The following ABL2 variants were observed in gnomAD, a reference collection of about 807,000 sequenced individuals.
ABL2 encodes tyrosine-protein kinase ABL2.
Under a neutral mutation model 107.7 loss-of-function variants are expected in ABL2, and 49 were observed. That is an observed-to-expected ratio of 0.45 (90% CI 0.36 to 0.58). The LOEUF (loss-of-function observed/expected upper bound fraction) is 0.58. ABL2 is among the 20% of genes least tolerant of loss of function. The pLI is 0.00. For synonymous variants in ABL2, 549 were observed against 548.6 expected (o/e 1.00, Z -0.01); for missense variants, 1,245 against 1,457.0 (o/e 0.85, Z 2.37).
chr1:179,174,920 A>AAAAAAAAAAAAT (rs1659958398), intron 1 of ABL2, among the ~76,000 whole-genome samples: 4 of 122,872 alleles, frequency 3.3e-5, no homozygotes, highest in East Asian at 2.4e-4. Context: ...AAAATAAAAA[A>AAAAAAAAAAAAT]AATAATAATA....
At chr1:179,150,155 G>C (rs1261466752) in intron 1 of ABL2, among the ~76,000 whole-genome samples, 1 of 152,048 alleles carries the variant, frequency 6.6e-6, no homozygotes, top group Non-Finnish European at 1.5e-5. Context: ...TGGATCACTT[G>C]AGCCCAGGAG....
chr1:179,201,620 C>T, intron 1 of ABL2: 1 of 438,726 alleles, frequency 2.3e-6, no homozygotes, highest in Non-Finnish European at 4.2e-6. Context: ...CCTTGGCTGC[C>T]TACATGGATA....
At position 179,108,439 on chromosome 1, in the gene ABL2, G is replaced by C; in HGVS notation, c.2828C>G (p.Pro943Arg). ...TGTGCCAATGAGCTGCACGTCAGCTGGAGTGTGTTTCAGAGTGGGTGAGAT... is the reference window on the plus strand; with the variant it reads ...TGTGCCAATGAGCTGCACGTCAGCTCGAGTGTGTTTCAGAGTGGGTGAGAT... ...VLISPTLKHTPADVQLIGTDS... is the reference protein window; with the variant it reads ...VLISPTLKHTRADVQLIGTDS... The change falls in exon 12 of 12, where the codon CCA (proline) becomes CGA (arginine). Residue 943 changes from proline (P) to arginine (R), a missense_variant. Physicochemically the swap from Pro to Arg is moderately radical, Grantham distance 103. Around this residue, in one of 3 missense-constraint regions of ABL2, gnomAD observed 761 missense variants for 766.4 expected, o/e 0.99. Coordinates refer to ENST00000502732, the MANE Select transcript of ABL2 (RefSeq NM_007314.4). 1 of 1,614,226 alleles carries C rather than the reference G, an allele frequency of 6.2e-7. No homozygotes were observed. Among genetic ancestry groups the C allele is most frequent in the Non-Finnish European group, 8.5e-7 (1 of 1,180,048 alleles).
rs2102576403 is a variant in ABL2, at chr1:179,108,613, G to A, written c.2654C>T (p.Ala885Val). The A allele has an allele frequency of 6.2e-7, 1 of 1,614,112 alleles. No individual in the cohort carries two copies. The highest frequency in any genetic ancestry group is 2.2e-5 in the East Asian group (1 of 44,866). The change falls in exon 12 of 12, where the codon GCA (alanine) becomes GTA (valine). Residue 885 changes from alanine (A) to valine (V), a missense_variant. Transcript: ENST00000502732. ...CTTCTCTTTACCCTTGGGGGCAGCTGCCACTCCAGCCACTCCCACCCCTGG... is the reference window on the plus strand; with the variant it reads ...CTTCTCTTTACCCTTGGGGGCAGCTACCACTCCAGCCACTCCCACCCCTGG... Reference protein sequence around the residue: ...DPPGVGVAGVAAAPKGKEKNG... With the variant: ...DPPGVGVAGVVAAPKGKEKNG...
intron 1 of ABL2, among the ~76,000 whole-genome samples, chr1:179,211,114 G>C (rs1388690854): frequency 6.6e-6 from 1 of 152,006 alleles, no homozygotes; most frequent in African/African-American, 2.4e-5. Context: ...ACTTATAAAA[G>C]CATTAGAATT....
chr1:179,121,978 T>C lies in ABL2; in HGVS notation c.688-111A>G. The stretch of plus-strand genomic sequence containing the variant: ...TCTTGTTCTGTCACCCAGGCTGGAG[T>C]GCACTGGCGCGATCTCGGCTCACTG... On this transcript the variant is annotated intron_variant, in intron 4 of 11. Transcript: ENST00000502732. The C allele has an allele frequency of 8.4e-6, 9 of 1,072,958 alleles. No individual in the cohort carries two copies. In the South Asian group the frequency reaches 1.2e-4, roughly 15 times the overall value. 66.5% of individuals were successfully genotyped at this position (1,072,958 alleles called of 1,614,324 possible).
chr1:179,149,564 G>A (rs1658237602), intron 1 of ABL2, among the ~76,000 whole-genome samples: 1 of 152,194 alleles, frequency 6.6e-6, no homozygotes, highest in African/African-American at 2.4e-5. Flanking sequence ...TAGCTTCAAA[G>A]GACAGGTTGA....
At chr1:179,150,227 G>A (rs116674050) in intron 1 of ABL2, among the ~76,000 whole-genome samples, 2,087 of 152,226 alleles carry the variant, frequency 0.014, 66 homozygotes, top group African/African-American at 0.046. Context: ...GCAAGACCCC[G>A]TCTCAAAAAT....
intron 1 of ABL2, chr1:179,221,516 A>T (rs1662862922): frequency 6.6e-6 from 1 of 152,468 alleles, no homozygotes; most frequent in Admixed American, 6.5e-5. Flanking sequence ...GCTTGAGCCC[A>T]GGAGGTGGAG....
rs1187819838 is a variant in ABL2 at position 179,186,377 on chromosome 1, T to G, written c.157+42864A>C. Among the ~76,000 whole-genome samples, 16 of 151,650 alleles carry G rather than the reference T, an allele frequency of 1.1e-4. No homozygotes were observed. In the East Asian group the frequency reaches 2.9e-3, roughly 27 times the overall value. ...TTTATCAGCCATTTCAACTTCTTTT[T>G]TGTTGTTGTTGTTGTTTTGAGAGGG... On this transcript the variant is annotated intron_variant, in intron 1 of 11. Coordinates refer to ENST00000502732, the MANE Select transcript of ABL2 (RefSeq NM_007314.4).
chr1:179,167,548 T>C (rs1659462498), intron 1 of ABL2, among the ~76,000 whole-genome samples: 2 of 152,188 alleles, frequency 1.3e-5, no homozygotes, highest in South Asian at 2.1e-4. Flanking sequence ...TTTACATTTC[T>C]AGGTAGCTAG....
At chr1:179,109,539 CA>C in intron 11 of ABL2, 98 bp from the exon 12 acceptor site, 1 of 1,500,258 alleles carries the variant, frequency 6.7e-7, no homozygotes, top group Non-Finnish European at 8.8e-7. Context: ...CAGCATTTAT[CA>C]AAGGTCAGGT....
At chr1:179,146,446 A>G (rs961909971) in intron 1 of ABL2, among the ~76,000 whole-genome samples, 1 of 152,150 alleles carries the variant, frequency 6.6e-6, no homozygotes. Flanking sequence ...CTTATCCAAA[A>G]CACTTGAGAC....
chr1:179,154,447 C>T (rs1365714712), intron 1 of ABL2, among the ~76,000 whole-genome samples: 2 of 152,180 alleles, frequency 1.3e-5, no homozygotes, highest in Admixed American at 6.5e-5. Flanking sequence ...TTATTATATT[C>T]GGAAACTCTG....
chr1:179,189,118 C>CG (rs1403319304), intron 1 of ABL2, among the ~76,000 whole-genome samples: 6 of 151,932 alleles, frequency 3.9e-5, no homozygotes, highest in African/African-American at 1.4e-4. Flanking sequence ...ATGTTGTTCT[C>CG]GGGTGTTTTT....
intron 1 of ABL2, among the ~76,000 whole-genome samples, chr1:179,175,309 G>A (rs1391790743): frequency 1.3e-5 from 2 of 152,154 alleles, no homozygotes; most frequent in African/African-American, 4.8e-5. Context: ...GCCAGAGAGA[G>A]AAAATAAAGA....
chr1:179,158,558 T>C (rs1477892050), intron 1 of ABL2, among the ~76,000 whole-genome samples: 1 of 152,156 alleles, frequency 6.6e-6, no homozygotes, highest in African/African-American at 2.4e-5. Context: ...TGCACTTACG[T>C]AGTGAAACTG....
intron 1 of ABL2, among the ~76,000 whole-genome samples, chr1:179,179,867 G>A (rs188568694): frequency 8.0e-4 from 122 of 151,926 alleles, no homozygotes; most frequent in African/African-American, 2.5e-3. Context: ...TTGGAAGGGC[G>A]AGGCAGGGGG....
At chr1:179,191,557 A>AT (rs1195718185) in intron 1 of ABL2, among the ~76,000 whole-genome samples, 1 of 151,024 alleles carries the variant, frequency 6.6e-6, no homozygotes, top group Non-Finnish European at 1.5e-5. Flanking sequence ...AGTAGCTGGG[A>AT]TTACAGGCAT....
Sources: allele counts gnomAD v4.1 joint callset (sites outside exome capture counted in the v4.1 genomes callset), GRCh38; gene constraint gnomAD v4.1.1; regional missense constraint gnomAD v4.1.1; transcripts MANE v1.5; gene names NCBI Gene and HGNC (gene_info 2026-07-23, HGNC 2026-07-21).